Variants in MAP3K5 observed in about 807,000 individuals in gnomAD.
MAP3K5 encodes the protein mitogen-activated protein kinase kinase kinase 5, also known as ASK-1.
Under a neutral mutation model 158.7 loss-of-function variants are expected in MAP3K5, and 56 were observed. That is an observed-to-expected ratio of 0.35 (90% confidence interval 0.28 to 0.44). MAP3K5 has a LOEUF of 0.44. Ranked by LOEUF, MAP3K5 falls within the 20% of genes least tolerant of loss-of-function variation. The pLI, the probability that MAP3K5 is intolerant of heterozygous loss-of-function variation, is 1.00. For missense variants in MAP3K5, 1,294 were observed against 1,674.8 expected, an observed-to-expected ratio of 0.77 and a Z score of 3.97; for synonymous variants, 579 against 601.7, an observed-to-expected ratio of 0.96 and a Z score of 0.55.
In MAP3K5 at chr6:136,614,302, T is replaced by C; in HGVS notation, c.2151-16A>G. On this transcript the variant is annotated splice_polypyrimidine_tract_variant and intron_variant, in intron 15 of 29. Coordinates refer to ENST00000359015, the MANE Select transcript of MAP3K5 (RefSeq NM_005923.4). ...CTGAGAGTATCTAAAAGACATGCAATTGTCAATGAGTTAATTATGTAGCCA... is the reference window on the plus strand; with the variant it reads ...CTGAGAGTATCTAAAAGACATGCAACTGTCAATGAGTTAATTATGTAGCCA... The C allele has an allele frequency of 1.9e-6, 3 of 1,609,608 alleles. No homozygotes were observed. The highest frequency in any genetic ancestry group is 2.5e-6 in the Non-Finnish European group (3 of 1,177,998).
chr6:136,626,789 A>G (rs947811556), intron 14 of MAP3K5, among the ~76,000 whole-genome samples: 6 of 150,604 alleles, frequency 4.0e-5, no homozygotes, highest in African/African-American at 1.5e-4. Flanking sequence ...GAAAAAAAAA[A>G]CCAACTTTCA....
At chr6:136,775,256 T>C (rs1784360930) in intron 1 of MAP3K5, among the ~76,000 whole-genome samples, 1 of 152,228 alleles carries the variant, frequency 6.6e-6, no homozygotes, top group South Asian at 2.1e-4. Flanking sequence ...GGAAGAAATT[T>C]ACCTGGTGAC....
chr6:136,691,604 C>T (rs12207558), intron 7 of MAP3K5, among the ~76,000 whole-genome samples: 4 of 134,332 alleles, frequency 3.0e-5, no homozygotes, highest in Non-Finnish European at 6.0e-5. Flanking sequence ...GAGCAAGATT[C>T]GTCTCAAAAA....
intron 28 of MAP3K5, among the ~76,000 whole-genome samples, chr6:136,560,805 G>A (rs1830474038): frequency 6.6e-6 from 1 of 151,558 alleles, no homozygotes; most frequent in African/African-American, 2.4e-5. Context: ...TAATTAGCTG[G>A]GTATGATGGT....
At chr6:136,632,099 C>T (rs541769980) in intron 14 of MAP3K5, among the ~76,000 whole-genome samples, 18 of 152,214 alleles carry the variant, frequency 1.2e-4, no homozygotes, top group African/African-American at 4.1e-4. Flanking sequence ...GCCCAGAGGC[C>T]GGAGAAGCAT....
chr6:136,615,453 GTT>G (rs1043344652), intron 15 of MAP3K5, among the ~76,000 whole-genome samples: 16 of 152,276 alleles, frequency 1.1e-4, no homozygotes, highest in African/African-American at 3.8e-4. Flanking sequence ...TTTTGTTTTT[GTT>G]TTTTGAAAAC....
Position 136,557,599 on chromosome 6 carries a change from A to G in MAP3K5, c.*159T>C, listed in dbSNP as rs1830306193. ...GAAATAGATGTAGTTAGGAAATTTC[A>G]GTGTGTTTTGTCTGTTTTTTTTTTT... is the stretch of plus-strand genomic sequence containing the variant. On this transcript the variant is annotated 3_prime_UTR_variant, in exon 30 of 30. Coordinates refer to ENST00000359015, the MANE Select transcript of MAP3K5 (RefSeq NM_005923.4). 1.8e-6 allele frequency: 1 copy of G among 565,488 alleles called. No homozygotes were observed. Among genetic ancestry groups the G allele is most frequent in the Non-Finnish European group, 3.1e-6 (1 of 318,960 alleles). The allele number at this position is 565,488 out of a possible 1,614,324, so 35.0% of individuals were successfully genotyped here.
chr6:136,737,035 G>GCATATATATATATATATA lies in MAP3K5; in HGVS notation c.449-16447_449-16446insTATATATATATATATATG, dbSNP rs1554308004. On this transcript the variant is annotated intron_variant, in intron 1 of 29. Transcript: ENST00000359015. ...ATTAATTTTACATATATATATGTGT[G>GCATATATATATATATATA]TGTATATATATATATATATATAAAC... 4.7e-4 allele frequency among the ~76,000 whole-genome samples: 56 copies of GCATATATATATATATATA among 118,708 alleles called. 1 individual carries two copies. In the South Asian group the frequency reaches 6.4e-3, roughly 14 times the overall value. 77.9% of individuals were successfully genotyped at this position (118,708 alleles called of 152,430 possible). A position where few individuals can be genotyped will look rare whatever the true frequency, so the allele number is the denominator to read the frequency against.
At chr6:136,569,544 G>T (rs1774272401) in intron 25 of MAP3K5, among the ~76,000 whole-genome samples, 1 of 152,032 alleles carries the variant, frequency 6.6e-6, no homozygotes, top group African/African-American at 2.4e-5. Flanking sequence ...CTATGACCTG[G>T]GACCCCAACC....
intron 8 of MAP3K5, among the ~76,000 whole-genome samples, chr6:136,668,724 A>C (rs912395842): frequency 2.6e-5 from 4 of 152,212 alleles, no homozygotes; most frequent in Non-Finnish European, 5.9e-5. Flanking sequence ...TACAGATAAA[A>C]GGGACAAAAG....
chr6:136,566,482 T>C (rs1774115976), intron 26 of MAP3K5, among the ~76,000 whole-genome samples: 1 of 152,100 alleles, frequency 6.6e-6, no homozygotes, highest in South Asian at 2.1e-4. Context: ...ATGGACACCT[T>C]CCATAACGAT....
chr6:136,634,694 C>A (rs1453483456), intron 14 of MAP3K5, among the ~76,000 whole-genome samples: 2 of 151,850 alleles, frequency 1.3e-5, no homozygotes, highest in African/African-American at 2.4e-5. Flanking sequence ...ATTCTCTTGC[C>A]TCAGCCTCCT....
intron 15 of MAP3K5, among the ~76,000 whole-genome samples, chr6:136,620,496 A>G (rs1020735085): frequency 6.6e-6 from 1 of 152,162 alleles, no homozygotes; most frequent in African/African-American, 2.4e-5. Flanking sequence ...TTTGAGATCT[A>G]TAACTGGAGA....
At position 136,791,957 on chromosome 6, in the gene MAP3K5, A is replaced by G. The variant is rs992331117; in HGVS notation, c.201T>C (p.Cys67=). 3.7e-6 allele frequency: 6 copies of G among 1,610,810 alleles called. No individual in the cohort carries two copies. The highest frequency in any genetic ancestry group is 5.1e-6 in the Non-Finnish European group (6 of 1,178,982). The part of the protein sequence containing the change: ...VESAAAPGIG[C]PAATSSSSAT... ...CACTGCTCGAGGAGGTGGCCGCCGG[A>G]CAACCGATGCCAGGGGCAGCGGCGC... The change falls in exon 1 of 30, where the codon TGT becomes TGC. Residue 67 remains cysteine, a synonymous_variant. Coordinates refer to ENST00000359015, the MANE Select transcript of MAP3K5 (RefSeq NM_005923.4).
intron 2 of MAP3K5, among the ~76,000 whole-genome samples, 178 bp downstream of exon 2, chr6:136,720,272 A>G (rs1781695316): frequency 1.3e-5 from 2 of 152,230 alleles, no homozygotes; most frequent in Admixed American, 6.5e-5. Flanking sequence ...TACTCGTGTC[A>G]TCAAATTTCT....
At chr6:136,774,188 G>C (rs953173145) in intron 1 of MAP3K5, among the ~76,000 whole-genome samples, 1 of 152,080 alleles carries the variant, frequency 6.6e-6, no homozygotes, top group Non-Finnish European at 1.5e-5. Flanking sequence ...TTCTCCTCCT[G>C]AAGAATCCTC....
At chr6:136,644,979 A>C (rs1778176989) in intron 11 of MAP3K5, among the ~76,000 whole-genome samples, 1 of 152,114 alleles carries the variant, frequency 6.6e-6, no homozygotes, top group Non-Finnish European at 1.5e-5. Context: ...TCCAGGCTGG[A>C]GTGTAGTGGG....
intron 1 of MAP3K5, among the ~76,000 whole-genome samples, chr6:136,780,571 T>C (rs970166538): frequency 1.3e-5 from 2 of 152,214 alleles, no homozygotes; most frequent in Non-Finnish European, 2.9e-5. Flanking sequence ...TTTAGAACAT[T>C]GTAATGTGGC....
chr6:136,748,464 T>C (rs773612092), intron 1 of MAP3K5, among the ~76,000 whole-genome samples: 10 of 152,260 alleles, frequency 6.6e-5, no homozygotes, highest in Non-Finnish European at 1.0e-4. Flanking sequence ...AATGTCTATA[T>C]ATGTATGCTC....
Sources: gnomAD v4.1 joint callset for allele counts (sites outside exome capture counted in the v4.1 genomes callset) on GRCh38, gnomAD v4.1.1 for gene constraint, MANE v1.5 for transcripts, NCBI Gene and HGNC (gene_info 2026-07-23, HGNC 2026-07-21) for gene names.